Variants in LRP1B observed in about 807,000 individuals in gnomAD.
LRP1B encodes the protein low-density lipoprotein receptor-related protein 1B.
In LRP1B, 217 loss-of-function variants were observed where a neutral mutation model predicts 556.6. That is an observed-to-expected ratio of 0.39 (90% confidence interval 0.35 to 0.44). The LOEUF is 0.44. Among genes scored for constraint, LRP1B ranks in the 20% least tolerant of loss-of-function variants. LRP1B has a pLI of 1.00. For missense variants in LRP1B, 5,053 were observed against 5,620.8 expected (o/e 0.90, Z 3.23); for synonymous variants, 2,047 against 1,865.8 (o/e 1.10, Z -2.50).
chr2:140,843,007 C>A (rs553869716), intron 29 of LRP1B, among the ~76,000 whole-genome samples: 9 of 137,586 alleles, frequency 6.5e-5, no homozygotes, highest in African/African-American at 2.5e-4. Flanking sequence ...TTGGTATTGG[C>A]AAAAATAATA....
At chr2:140,900,610 A>C (rs1694076179) in intron 23 of LRP1B, among the ~76,000 whole-genome samples, 1 of 152,230 alleles carries the variant, frequency 6.6e-6, no homozygotes. Context: ...GAAAGAATAT[A>C]GTATCTATTA....
At chr2:140,623,403 A>T (rs559092426) in intron 41 of LRP1B, among the ~76,000 whole-genome samples, 45 of 152,222 alleles carry the variant, frequency 3.0e-4, no homozygotes, top group African/African-American at 1.0e-3. Flanking sequence ...AAAAGATATA[A>T]TTTTTTCTCC....
intron 2 of LRP1B, among the ~76,000 whole-genome samples, chr2:141,648,552 G>A (rs1293564910): frequency 1.3e-5 from 2 of 151,988 alleles, no homozygotes; most frequent in Non-Finnish European, 2.9e-5. Flanking sequence ...TTATTTCTTT[G>A]TATATTTGTT....
chr2:142,103,314 G>C (rs1706630751), intron 1 of LRP1B, among the ~76,000 whole-genome samples: 1 of 151,724 alleles, frequency 6.6e-6, no homozygotes, highest in Non-Finnish European at 1.5e-5. Context: ...ATTAGCTTTA[G>C]TCCCTGAGAA....
intron 7 of LRP1B, among the ~76,000 whole-genome samples, chr2:141,143,167 G>A (rs963302094): frequency 7.9e-5 from 12 of 152,084 alleles, no homozygotes; most frequent in African/African-American, 2.4e-5. Context: ...CTGACCTCGT[G>A]ATCCACCCCA....
In LRP1B at chr2:141,153,058, T is replaced by G. The variant is rs577268411; in HGVS notation, c.1013+35363A>C. Among the ~76,000 whole-genome samples the G allele has an allele frequency of 1.4e-3, 210 of 149,960 alleles. 1 individual carries two copies. The highest frequency in any genetic ancestry group is 2.7e-3 in the South Asian group (13 of 4,792). On this transcript the variant is annotated intron_variant, in intron 7 of 90. Transcript: ENST00000389484. ...TCTTAACCATTCTTTAAGAACCACC[T>G]TAAATATTATCATGAAACTGACTAC...
At chr2:141,377,271 G>T (rs1245015078) in intron 3 of LRP1B, among the ~76,000 whole-genome samples, 2 of 152,046 alleles carry the variant, frequency 1.3e-5, no homozygotes, top group African/African-American at 4.8e-5. Context: ...AGAAATTATA[G>T]AATGTGTGTA....
chr2:140,644,293 G>A (rs1684401428), intron 41 of LRP1B, among the ~76,000 whole-genome samples: 1 of 151,786 alleles, frequency 6.6e-6, no homozygotes, highest in South Asian at 2.1e-4. Context: ...TCCTTATATT[G>A]GACAGATACA....
At chr2:140,478,144 C>CTTTTTTTTTTTTTTTTTTT (rs35948232) in intron 59 of LRP1B, among the ~76,000 whole-genome samples, 1 of 62,774 alleles carries the variant, frequency 1.6e-5, no homozygotes, top group African/African-American at 5.7e-5. Flanking sequence ...TATAACTTAA[C>CTTTTTTTTTTTTTTTTTTT]TTTTTTTTTT....
At chr2:142,127,846 A>G (rs1247876626) in intron 1 of LRP1B, among the ~76,000 whole-genome samples, 1 of 151,992 alleles carries the variant, frequency 6.6e-6, no homozygotes, top group East Asian at 1.9e-4. Context: ...AGGCCTCTCA[A>G]TCCCTTTTCA....
intron 30 of LRP1B, 57 bp downstream of exon 30, chr2:140,840,861 T>C: frequency 7.4e-7 from 1 of 1,349,742 alleles, no homozygotes; most frequent in Non-Finnish European, 1.0e-6. Context: ...TTATATAAAA[T>C]CAGGGCAAAA....
At position 141,013,604 on chromosome 2, in the gene LRP1B, T is replaced by G; in HGVS notation, c.2332A>C (p.Arg778=). 1 of 1,612,074 alleles carries G rather than the reference T, an allele frequency of 6.2e-7. No individual in the cohort carries two copies. Among genetic ancestry groups the G allele is most frequent in the East Asian group, 2.2e-5 (1 of 44,710 alleles). ...ATCTGAAGCCCAAATAGGGGTGGTC[T>G]TTCATGCCTCAGCAATGTCACCTCA... is the stretch of plus-strand genomic sequence containing the variant. ...TSEVTLLRHE[R]PPLFGLQIYD... Residue 778 remains arginine, a synonymous_variant, in exon 14 of 91, where the codon AGA becomes CGA. Transcript: ENST00000389484.
At chr2:142,116,955 T>C (rs1487581102) in intron 1 of LRP1B, among the ~76,000 whole-genome samples, 1 of 152,140 alleles carries the variant, frequency 6.6e-6, no homozygotes, top group African/African-American at 2.4e-5. Context: ...CTTATCAGAA[T>C]CATATCTCTG....
intron 1 of LRP1B, among the ~76,000 whole-genome samples, chr2:141,879,976 A>G (rs7584921): frequency 0.36 from 53,673 of 150,818 alleles, 9,720 homozygotes; most frequent in East Asian, 0.49. Flanking sequence ...AAGAGACTAC[A>G]TTTGTTAATT....
intron 1 of LRP1B, among the ~76,000 whole-genome samples, chr2:142,040,502 T>C (rs1704025679): frequency 6.6e-6 from 1 of 151,380 alleles, no homozygotes; most frequent in African/African-American, 2.4e-5. Context: ...ATTTGGAGAC[T>C]TATTCTTCTT....
At chr2:141,278,862 A>T (rs1357221782) in intron 3 of LRP1B, among the ~76,000 whole-genome samples, 1 of 152,134 alleles carries the variant, frequency 6.6e-6, no homozygotes, top group African/African-American at 2.4e-5. Context: ...CTTTCCTATT[A>T]TCTGTCTCTG....
At chr2:141,112,615 A>G (rs1486215317) in intron 7 of LRP1B, among the ~76,000 whole-genome samples, 1 of 152,208 alleles carries the variant, frequency 6.6e-6, no homozygotes, top group Non-Finnish European at 1.5e-5. Context: ...AATAAATACA[A>G]TGTCCTTCAA....
At chr2:140,655,942 C>CA (rs369787900) in intron 41 of LRP1B, among the ~76,000 whole-genome samples, 3,205 of 146,272 alleles carry the variant, frequency 0.022, 67 homozygotes, top group African/African-American at 0.043. Context: ...GACTCCGTCT[C>CA]AAAAAAAACA....
intron 21 of LRP1B, 125 bp from the exon 22 acceptor site, chr2:140,908,202 T>G: frequency 1.5e-6 from 1 of 689,584 alleles, no homozygotes; most frequent in East Asian, 2.7e-5. Context: ...ACAAAATCTA[T>G]TTGCTTATTA....
Sources: gnomAD v4.1 joint callset for allele counts (sites outside exome capture counted in the v4.1 genomes callset) on GRCh38, gnomAD v4.1.1 for gene constraint, MANE v1.5 for transcripts, NCBI Gene and HGNC (gene_info 2026-07-23, HGNC 2026-07-21) for gene names.